NUSAP1: variants seen among roughly 807,000 people sequenced by gnomAD.
NUSAP1 encodes nucleolar and spindle associated protein 1, also known as nucleolar and spindle-associated protein 1.
Under a neutral mutation model 52.8 loss-of-function variants are expected in NUSAP1, and 32 were observed. That is an observed-to-expected ratio of 0.61 (90% CI 0.46 to 0.81). The LOEUF is 0.81. Ranked by LOEUF, NUSAP1 falls within the 40% of genes least tolerant of loss-of-function variation. The probability of loss-of-function intolerance (pLI) is 0.00; values close to 1 mark genes in which losing one functional copy is unlikely to be tolerated. For synonymous variants in NUSAP1, 195 were observed against 183.1 expected (o/e 1.06, Z -0.52); for missense variants, 499 against 522.3 (o/e 0.96, Z 0.43).
At chr15:41,358,394 A>G in intron 6 of NUSAP1, 136 bp downstream of exon 6, 1 of 565,040 alleles carries the variant, frequency 1.8e-6, no homozygotes, top group Non-Finnish European at 3.2e-6. Flanking sequence ...TCTTTATCTA[A>G]AACTTGCTTT....
chr15:41,363,323 G>C (rs1448961054), intron 6 of NUSAP1, among the ~76,000 whole-genome samples: 6 of 146,296 alleles, frequency 4.1e-5, no homozygotes, highest in Non-Finnish European at 6.0e-5. Flanking sequence ...GTCTGTGTGT[G>C]TGTCTCTCTC....
intron 9 of NUSAP1, 37 bp from the exon 10 acceptor site, chr15:41,377,159 A>T: frequency 9.2e-7 from 1 of 1,084,240 alleles, no homozygotes; most frequent in Non-Finnish European, 1.3e-6. Context: ...TAAATCAAAC[A>T]ATCTTTTTAA....
Position 41,380,157 on chromosome 15 carries a change from C to G in NUSAP1, c.1297C>G (p.Arg433Gly). ...GAAGAAAGCAAAGGTTTTGGGAATG[C>G]GAAGGGGCCTCATTTTGGCTGAAGA... ...KEKKAKVLGM[R>G]RGLILAED The change falls in exon 11 of 11, where the codon CGA (arginine) becomes GGA (glycine). Residue 433 changes from arginine to glycine, a missense_variant. Transcript: ENST00000559596. 6.3e-7 allele frequency: 1 copy of G among 1,584,404 alleles called. No individual in the cohort carries two copies. The highest frequency in any genetic ancestry group is 8.6e-7 in the Non-Finnish European group (1 of 1,165,174).
At chr15:41,370,586 A>G (rs1033223326) in intron 7 of NUSAP1, among the ~76,000 whole-genome samples, 1 of 152,114 alleles carries the variant, frequency 6.6e-6, no homozygotes, top group South Asian at 2.1e-4. Context: ...CCCCATCTCT[A>G]CTAAAAATAC....
chr15:41,348,850 C>G (rs1046430853), intron 2 of NUSAP1, among the ~76,000 whole-genome samples: 1 of 152,074 alleles, frequency 6.6e-6, no homozygotes, highest in Non-Finnish European at 1.5e-5. Context: ...GTCAACCAGG[C>G]TGGTCTCGCT....
At chr15:41,345,093 AG>A (rs911085388) in intron 2 of NUSAP1, among the ~76,000 whole-genome samples, 2 of 151,834 alleles carry the variant, frequency 1.3e-5, no homozygotes, top group Non-Finnish European at 2.9e-5. Flanking sequence ...TGGACCCCCC[AG>A]GCTCAAGTGA....
chr15:41,341,147 C>T (rs2048352298), intron 1 of NUSAP1, among the ~76,000 whole-genome samples: 1 of 152,136 alleles, frequency 6.6e-6, no homozygotes, highest in Non-Finnish European at 1.5e-5. Context: ...CTCACTGCAA[C>T]CTTCGCCTCC....
At chr15:41,376,059 T>C (rs2049920148) in intron 9 of NUSAP1, among the ~76,000 whole-genome samples, 1 of 145,554 alleles carries the variant, frequency 6.9e-6, no homozygotes, top group African/African-American at 2.5e-5. Flanking sequence ...AGAGTGAAAC[T>C]CCATCTAAAA....
At chr15:41,338,856 T>G (rs1382232441) in intron 1 of NUSAP1, among the ~76,000 whole-genome samples, 1 of 151,160 alleles carries the variant, frequency 6.6e-6, no homozygotes, top group African/African-American at 2.4e-5. Context: ...TCCCAACTAC[T>G]CGGGAGGATG....
intron 2 of NUSAP1, among the ~76,000 whole-genome samples, chr15:41,347,755 A>C (rs539761549): frequency 3.1e-4 from 47 of 151,302 alleles, no homozygotes; most frequent in Non-Finnish European, 6.0e-4. Context: ...TGGAGCTTGC[A>C]GTGAGCCAAG....
chr15:41,352,961 G>A (rs1414436897), intron 4 of NUSAP1, among the ~76,000 whole-genome samples: 1 of 152,126 alleles, frequency 6.6e-6, no homozygotes, highest in Non-Finnish European at 1.5e-5. Context: ...ATCCCAAAGA[G>A]CAATGCTGTT....
intron 2 of NUSAP1, among the ~76,000 whole-genome samples, chr15:41,347,544 G>A (rs957765978): frequency 1.3e-5 from 2 of 151,894 alleles, no homozygotes; most frequent in Non-Finnish European, 2.9e-5. Flanking sequence ...GGCCGGGTGC[G>A]GTGGCTCACT....
In NUSAP1 at chr15:41,375,805, C is replaced by T; in HGVS notation, c.1100C>T (p.Pro367Leu). The T allele has an allele frequency of 6.2e-7, 1 of 1,612,212 alleles. No individual in the cohort carries two copies. The change falls in exon 9 of 11, where the codon CCC (proline) becomes CTC (leucine). Residue 367 changes from proline (P) to leucine (L), a missense_variant. Coordinates refer to ENST00000559596, the MANE Select transcript of NUSAP1 (RefSeq NM_016359.5). The part of the protein sequence containing the change: ...VFDLKASLSR[P>L]LNYEPHKGKL... Reference sequence around the variant, plus strand: ...GATCTTAAAGCAAGTTTGTCTCGTCCCCTCAACTATGAACCACACAAAGGT... The same window carrying T: ...GATCTTAAAGCAAGTTTGTCTCGTCTCCTCAACTATGAACCACACAAAGGT...
At position 41,375,837 on chromosome 15, in the gene NUSAP1, G is replaced by T; in HGVS notation, c.1123+9G>T. 3 of 1,558,712 alleles carry T rather than the reference G, an allele frequency of 1.9e-6. No homozygotes were observed. The highest frequency in any genetic ancestry group is 2.2e-5 in the South Asian group (2 of 89,978). ...CTATGAACCACACAAAGGTATGTGG[G>T]AGTGTTTTGAGCTACAGGGCCTGTA... On this transcript the variant is annotated intron_variant, in intron 9 of 10. Transcript: ENST00000559596.
rs1567080555 is a variant in NUSAP1 at position 41,377,810 on chromosome 15, GCTAACGCAT to G, written c.1232+507_1232+515del. Among the ~76,000 whole-genome samples the G allele has an allele frequency of 3.3e-5, 5 of 150,442 alleles. No homozygotes were observed. The Admixed American group carries it at 3.3e-4, about 10-fold the overall frequency. On this transcript the variant is annotated intron_variant, in intron 10 of 10. Coordinates refer to ENST00000559596, the MANE Select transcript of NUSAP1 (RefSeq NM_016359.5). ...ACGAGGTCAGATCGAGACCATCCTG[GCTAACGCAT>G]TGAAACCCCATCTCTACTAAAAATA...
chr15:41,365,665 C>A, intron 7 of NUSAP1, 76 bp downstream of exon 7: 1 of 1,068,588 alleles, frequency 9.4e-7, no homozygotes. Flanking sequence ...TTTTAATTGG[C>A]AAATAATATT....
chr15:41,333,214 AAACGG>A (rs2047985689), intron 1 of NUSAP1, among the ~76,000 whole-genome samples, 164 bp downstream of exon 1: 1 of 152,176 alleles, frequency 6.6e-6, no homozygotes, highest in Non-Finnish European at 1.5e-5. Context: ...GAACTCTGAT[AAACGG>A]AAGAGGAACT....
intron 6 of NUSAP1, among the ~76,000 whole-genome samples, chr15:41,365,190 T>C (rs1325143761): frequency 6.6e-6 from 1 of 152,170 alleles, no homozygotes; most frequent in Admixed American, 6.6e-5. Flanking sequence ...TTTTTTGAGA[T>C]GTAGTCTCGC....
intron 4 of NUSAP1, among the ~76,000 whole-genome samples, chr15:41,351,732 G>A (rs1025474157): frequency 6.6e-6 from 1 of 151,946 alleles, no homozygotes; most frequent in Non-Finnish European, 1.5e-5. Context: ...GGCTGCAGTG[G>A]GCCATCTTCA....
Sources: allele counts gnomAD v4.1 joint callset (sites outside exome capture counted in the v4.1 genomes callset), GRCh38; gene constraint gnomAD v4.1.1; transcripts MANE v1.5; gene names NCBI Gene and HGNC (gene_info 2026-07-23, HGNC 2026-07-21).